Variants in SENP7 observed in about 807,000 individuals in gnomAD.
SENP7 encodes sentrin-specific protease 7.
In SENP7, 64 loss-of-function variants were observed where a neutral mutation model predicts 141.2. The ratio of observed to expected loss-of-function variants is 0.45; its 90% CI spans 0.37 to 0.56. The LOEUF (loss-of-function observed/expected upper bound fraction) is 0.56, where lower values mean the gene tolerates loss of function less well. SENP7 is among the 20% of genes least tolerant of loss of function. SENP7 has a pLI of 0.00. For missense variants in SENP7, 1,025 were observed against 1,212.2 expected, an observed-to-expected ratio of 0.85 and a Z score of 2.29; for synonymous variants, 382 against 426.4, an observed-to-expected ratio of 0.90 and a Z score of 1.28.
At position 101,501,115 on chromosome 3, in the gene SENP7, G is replaced by T; in HGVS notation, c.45C>A (p.Ile15=). The change falls in exon 2 of 24, where the codon ATC becomes ATA. Residue 15 remains isoleucine, a synonymous_variant. Coordinates refer to ENST00000394095, the MANE Select transcript of SENP7 (RefSeq NM_020654.5). ...ACTTTTTCCTTTTTCCTTCTGTGATGATTTCTACAAAAACCAAAGACGTGG... is the reference window on the plus strand; with the variant it reads ...ACTTTTTCCTTTTTCCTTCTGTGATTATTTCTACAAAAACCAAAGACGTGG... The part of the protein sequence containing the change: ...KLGRRPSSSE[I]ITEGKRKKSS... The T allele has an allele frequency of 6.2e-7, 1 of 1,604,684 alleles. No individual in the cohort carries two copies. The highest frequency in any genetic ancestry group is 1.1e-5 in the South Asian group (1 of 89,968).
intron 3 of SENP7, among the ~76,000 whole-genome samples, chr3:101,484,568 G>A (rs1442136570): frequency 1.3e-5 from 2 of 152,196 alleles, no homozygotes; most frequent in Admixed American, 6.5e-5. Flanking sequence ...CCCCAACTGC[G>A]GAAGTGGGAA....
chr3:101,496,751 T>C (rs2065174032), intron 2 of SENP7, among the ~76,000 whole-genome samples: 1 of 151,960 alleles, frequency 6.6e-6, no homozygotes, highest in Non-Finnish European at 1.5e-5. Flanking sequence ...CTAATTTTTG[T>C]ATTTTCAGTA....
chr3:101,359,661 T>G (rs1459450252), intron 11 of SENP7, among the ~76,000 whole-genome samples: 1 of 151,636 alleles, frequency 6.6e-6, no homozygotes, highest in Non-Finnish European at 1.5e-5. Context: ...CCAAAATAAG[T>G]AGAGGAATTA....
intron 12 of SENP7, among the ~76,000 whole-genome samples, chr3:101,349,532 T>C (rs1269264198): frequency 6.6e-6 from 1 of 152,278 alleles, no homozygotes; most frequent in Admixed American, 6.5e-5. Context: ...AATAGTTTGC[T>C]GAGAATGATG....
intron 10 of SENP7, chr3:101,363,120 C>T (rs190259542): frequency 6.9e-5 from 64 of 923,982 alleles, no homozygotes; most frequent in Admixed American, 1.9e-4. Flanking sequence ...CAGCTCATAA[C>T]GCCATTTACC....
intron 15 of SENP7, 191 bp from the exon 16 acceptor site, chr3:101,340,402 T>C (rs78874698): frequency 4.3e-5 from 27 of 632,146 alleles, no homozygotes; most frequent in East Asian, 3.5e-4. Flanking sequence ...GGTACTCCGA[T>C]TGAGTATTAT....
chr3:101,494,378 A>G (rs565352639), intron 2 of SENP7, among the ~76,000 whole-genome samples: 35 of 152,158 alleles, frequency 2.3e-4, no homozygotes, highest in Admixed American at 7.2e-4. Context: ...CTTTCACATC[A>G]CATCACTACA....
intron 6 of SENP7, among the ~76,000 whole-genome samples, chr3:101,382,865 T>A (rs1490368813): frequency 6.6e-6 from 1 of 152,150 alleles, no homozygotes; most frequent in Non-Finnish European, 1.5e-5. Context: ...GTCTTCTATA[T>A]CAAAGATACT....
chr3:101,455,577 A>G (rs1203535366), intron 4 of SENP7, among the ~76,000 whole-genome samples: 8 of 152,196 alleles, frequency 5.3e-5, no homozygotes, highest in African/African-American at 7.2e-5. Context: ...ATCTGTAGAT[A>G]CAAATTATGT....
intron 3 of SENP7, among the ~76,000 whole-genome samples, chr3:101,473,512 T>C (rs2064094044): frequency 6.6e-6 from 1 of 152,252 alleles, no homozygotes; most frequent in Non-Finnish European, 1.5e-5. Context: ...TTCATATGAT[T>C]GTTGGCTGCA....
rs1559864748 is a variant in SENP7 at position 101,463,368 on chromosome 3, T to TAA, written c.187-4317_187-4316insTT. 1.0e-3 allele frequency among the ~76,000 whole-genome samples: 78 copies of TAA among 76,374 alleles called. 1 individual carries two copies. Among genetic ancestry groups the TAA allele is most frequent in the South Asian group, 3.4e-3 (7 of 2,062 alleles). The allele number at this position is 76,374 out of a possible 152,430, so 50.1% of individuals were successfully genotyped here. ...TGTATCATAAATAAATAAATAAATA[T>TAA]ATATATATATATATATATATATATA... is the stretch of plus-strand genomic sequence containing the variant. On this transcript the variant is annotated intron_variant, in intron 3 of 23. Coordinates refer to ENST00000394095, the MANE Select transcript of SENP7 (RefSeq NM_020654.5).
intron 17 of SENP7, among the ~76,000 whole-genome samples, chr3:101,336,948 CA>C (rs773407515): frequency 6.6e-6 from 1 of 152,056 alleles, no homozygotes; most frequent in African/African-American, 2.4e-5. Flanking sequence ...ACCAGGAAAA[CA>C]AAAACAGCCC....
At chr3:101,441,405 G>A (rs1453763698) in intron 4 of SENP7, among the ~76,000 whole-genome samples, 1 of 151,884 alleles carries the variant, frequency 6.6e-6, no homozygotes, top group Non-Finnish European at 1.5e-5. Context: ...GAAAGAACAG[G>A]CCCACCCAAT....
chr3:101,389,423 T>C (rs956979453), intron 6 of SENP7, among the ~76,000 whole-genome samples: 1 of 151,936 alleles, frequency 6.6e-6, no homozygotes, highest in African/African-American at 2.4e-5. Flanking sequence ...TAGACACTTA[T>C]AAGAGAATCT....
chr3:101,443,413 G>C (rs902520718), intron 4 of SENP7, among the ~76,000 whole-genome samples: 14 of 150,772 alleles, frequency 9.3e-5, no homozygotes, highest in African/African-American at 3.4e-4. Flanking sequence ...TTTTGGCTTA[G>C]GATTGATTTG....
chr3:101,467,287 G>A (rs943954922), intron 3 of SENP7, among the ~76,000 whole-genome samples: 3 of 152,268 alleles, frequency 2.0e-5, no homozygotes, highest in African/African-American at 7.2e-5. Context: ...GACAACTTCT[G>A]CAGATGTAAA....
chr3:101,358,065 A>T (rs994029686), intron 11 of SENP7: 1 of 628,206 alleles, frequency 1.6e-6, no homozygotes, highest in Non-Finnish European at 2.5e-6. Context: ...CTTATTAAAC[A>T]TGAGATAATT....
chr3:101,334,054 G>A (rs1427158628), intron 17 of SENP7, among the ~76,000 whole-genome samples: 1 of 152,090 alleles, frequency 6.6e-6, no homozygotes, highest in Non-Finnish European at 1.5e-5. Flanking sequence ...AGTATCTAAC[G>A]CTGCCACTGA....
intron 4 of SENP7, among the ~76,000 whole-genome samples, chr3:101,436,788 C>A (rs1233446148): frequency 1.3e-5 from 2 of 152,174 alleles, no homozygotes; most frequent in Admixed American, 1.3e-4. Flanking sequence ...CAAATGCTGG[C>A]AAGGATGTGG....
Sources: allele counts gnomAD v4.1 joint callset (sites outside exome capture counted in the v4.1 genomes callset), GRCh38; gene constraint gnomAD v4.1.1; transcripts MANE v1.5; gene names NCBI Gene and HGNC (gene_info 2026-07-23, HGNC 2026-07-21).